Variants in CECR2 observed in about 807,000 individuals in gnomAD.
CECR2 encodes chromatin remodeling regulator CECR2.
CECR2 carries 30 observed loss-of-function variants against 154.5 expected under a neutral mutation model. That is an observed-to-expected ratio of 0.19 (90% CI 0.15 to 0.26). The LOEUF (loss-of-function observed/expected upper bound fraction) is 0.26, where lower values mean the gene tolerates loss of function less well. Ranked by LOEUF, CECR2 falls within the 10% of genes least tolerant of loss-of-function variation. The pLI, the probability that CECR2 is intolerant of heterozygous loss-of-function variation, is 1.00. For synonymous variants in CECR2, 725 were observed against 683.7 expected, an observed-to-expected ratio of 1.06 and a Z score of -0.94; for missense variants, 1,743 against 1,829.3, an observed-to-expected ratio of 0.95 and a Z score of 0.86.
At chr22:17,538,393 A>T (rs2056469591) in intron 10 of CECR2, 127 bp from the exon 11 acceptor site, 1 of 843,278 alleles carries the variant, frequency 1.2e-6, no homozygotes, top group Non-Finnish European at 2.0e-6. Context: ...TCACAGGCTC[A>T]TCTAAACCAC....
chr22:17,510,179 C>T (rs79987863), intron 7 of CECR2, among the ~76,000 whole-genome samples: 444 of 152,256 alleles, frequency 2.9e-3, no homozygotes, highest in Middle Eastern at 0.01. Context: ...TTTTCTCATT[C>T]GTAGCTTTTA....
rs1352833618 is a variant in CECR2 at position 17,555,734 on chromosome 22, G to A, written c.*2894G>A. ...AGTAGTGTGTAAGGTATCCTGAAAA[G>A]GTTTGCTCTCAAGCTAGAAGGACAT... On this transcript the variant is annotated 3_prime_UTR_variant, in exon 19 of 19. Transcript: ENST00000262608. 6.6e-6 allele frequency: 1 copy of A among 152,248 alleles called. No individual in the cohort carries two copies. The highest frequency in any genetic ancestry group is 1.9e-4 in the East Asian group (1 of 5,166). 9.4% of individuals were successfully genotyped at this position (152,248 alleles called of 1,614,324 possible).
At chr22:17,376,212 A>G (rs1459033712) in intron 1 of CECR2, among the ~76,000 whole-genome samples, 1 of 152,160 alleles carries the variant, frequency 6.6e-6, no homozygotes, top group Admixed American at 6.5e-5. Context: ...TTGAAAGGAA[A>G]GGCTTGCTGC....
At chr22:17,363,320 C>G (rs1241710735) in intron 1 of CECR2, among the ~76,000 whole-genome samples, 4 of 151,966 alleles carry the variant, frequency 2.6e-5, no homozygotes, top group Non-Finnish European at 5.9e-5. Flanking sequence ...GCAATTCTGC[C>G]TCAGCCTCCT....
At chr22:17,487,427 C>T (rs979314892) in intron 2 of CECR2, among the ~76,000 whole-genome samples, 2 of 152,160 alleles carry the variant, frequency 1.3e-5, no homozygotes, top group Non-Finnish European at 2.9e-5. Context: ...TGGTTGGGCG[C>T]GGTGGCTCAT....
At chr22:17,384,012 C>G (rs181176501) in intron 1 of CECR2, among the ~76,000 whole-genome samples, 1 of 151,954 alleles carries the variant, frequency 6.6e-6, no homozygotes, top group Non-Finnish European at 1.5e-5. Flanking sequence ...CTGTATCTAT[C>G]GCATCTGTAT....
chr22:17,520,399 T>A (rs1454633824), intron 8 of CECR2, among the ~76,000 whole-genome samples: 2 of 149,444 alleles, frequency 1.3e-5, no homozygotes, highest in East Asian at 3.9e-4. Flanking sequence ...AGGCTCAGGT[T>A]TTTTTTTTAT....
chr22:17,501,557 C>CA lies in CECR2; in HGVS notation c.650+833dup, dbSNP rs796753354. On this transcript the variant is annotated intron_variant, in intron 5 of 18. Transcript: ENST00000262608. ...TGGGCGACACAGCGATACTCCATCT[C>CA]AAAAAAAAAAAGAATGTAGATCACT... 2.7e-3 allele frequency among the ~76,000 whole-genome samples: 378 copies of CA among 142,510 alleles called. 2 individuals are homozygous for CA. The highest frequency in any genetic ancestry group is 5.1e-3 in the African/African-American group (198 of 38,844). The allele number at this position is 142,510 out of a possible 152,430, so 93.5% of individuals were successfully genotyped here.
chr22:17,500,798 C>A (rs1337731407), intron 5 of CECR2, 63 bp downstream of exon 5: 2 of 1,185,124 alleles, frequency 1.7e-6, no homozygotes, highest in Non-Finnish European at 2.4e-6. Flanking sequence ...TTCATTTATT[C>A]CTTTTTCTTT....
intron 1 of CECR2, among the ~76,000 whole-genome samples, chr22:17,448,067 C>T (rs974772769): frequency 7.2e-5 from 11 of 151,910 alleles, no homozygotes; most frequent in Non-Finnish European, 1.2e-4. Flanking sequence ...AATAGTTTTC[C>T]GGAGAAAATA....
intron 1 of CECR2, among the ~76,000 whole-genome samples, chr22:17,396,330 A>T (rs2053810370): frequency 6.6e-6 from 1 of 151,956 alleles, no homozygotes; most frequent in African/African-American, 2.4e-5. Context: ...GGATCACCTG[A>T]GTTCAGGAGT....
intron 1 of CECR2, chr22:17,477,155 A>G (rs1185622464): frequency 1.1e-5 from 8 of 723,260 alleles, no homozygotes; most frequent in Non-Finnish European, 2.1e-5. Flanking sequence ...TTATCTCTTG[A>G]GAAGGTTGAG....
At chr22:17,441,283 G>GC (rs985621026) in intron 1 of CECR2, among the ~76,000 whole-genome samples, 67 of 152,196 alleles carry the variant, frequency 4.4e-4, no homozygotes, top group African/African-American at 1.4e-3. Flanking sequence ...TGTTGAGGGA[G>GC]CAAGTATACT....
intron 1 of CECR2, among the ~76,000 whole-genome samples, chr22:17,396,213 G>T (rs999596261): frequency 6.9e-6 from 1 of 144,708 alleles, no homozygotes; most frequent in Non-Finnish European, 1.5e-5. Context: ...CTGCACTCTA[G>T]CCTGGGCGAC....
chr22:17,504,365 A>T (rs115371335), intron 6 of CECR2, among the ~76,000 whole-genome samples: 19,899 of 151,872 alleles, frequency 0.13, 1,521 homozygotes, highest in Non-Finnish European at 0.18. Flanking sequence ...ATAGAGCCAG[A>T]CGTTGTCTCA....
intron 1 of CECR2, among the ~76,000 whole-genome samples, chr22:17,462,420 A>T (rs1456210044): frequency 6.0e-5 from 9 of 149,138 alleles, no homozygotes; most frequent in Non-Finnish European, 1.5e-5. Flanking sequence ...GTGTAGGTTG[A>T]GGTCATTTGG....
At chr22:17,431,676 T>C (rs1261591370) in intron 1 of CECR2, among the ~76,000 whole-genome samples, 1 of 152,174 alleles carries the variant, frequency 6.6e-6, no homozygotes, top group African/African-American at 2.4e-5. Flanking sequence ...ACAGTATCAT[T>C]GGAGCATGAC....
intron 9 of CECR2, among the ~76,000 whole-genome samples, chr22:17,529,806 C>T (rs1051333571): frequency 2.0e-5 from 3 of 152,034 alleles, no homozygotes; most frequent in Non-Finnish European, 2.9e-5. Flanking sequence ...CTCGCTCTGC[C>T]TCCCATGATA....
intron 1 of CECR2, among the ~76,000 whole-genome samples, chr22:17,459,261 G>A (rs1041996939): frequency 6.6e-6 from 1 of 152,162 alleles, no homozygotes; most frequent in Non-Finnish European, 1.5e-5. Flanking sequence ...AAGATCCAGA[G>A]CAAAGATGCA....
Sources: allele counts gnomAD v4.1 joint callset (sites outside exome capture counted in the v4.1 genomes callset), GRCh38; gene constraint gnomAD v4.1.1; transcripts MANE v1.5; gene names NCBI Gene and HGNC (gene_info 2026-07-23, HGNC 2026-07-21).